The following SMARCD1 variants were observed in gnomAD, a reference collection of about 807,000 sequenced individuals.
SMARCD1 encodes SWI/SNF related BAF chromatin remodeling complex subunit D1, also known as SWI/SNF-related matrix-associated actin-dependent regulator of chromatin subfamily D member 1.
Under a neutral mutation model 70.8 loss-of-function variants are expected in SMARCD1, and 16 were observed. The ratio of observed to expected loss-of-function variants is 0.23; its 90% CI spans 0.15 to 0.34. SMARCD1 has a LOEUF of 0.34. SMARCD1 is among the 10% of genes least tolerant of loss of function. The probability of loss-of-function intolerance (pLI) is 1.00; values close to 1 mark genes in which losing one functional copy is unlikely to be tolerated. For missense variants in SMARCD1, 409 were observed against 655.5 expected, an observed-to-expected ratio of 0.62 and a Z score of 4.11; for synonymous variants, 249 against 246.0, an observed-to-expected ratio of 1.01 and a Z score of -0.11.
chr12:50,097,026 G>T, intron 11 of SMARCD1, 54 bp downstream of exon 11: 1 of 1,515,124 alleles, frequency 6.6e-7, no homozygotes, highest in Non-Finnish European at 8.9e-7. Context: ...GTGCACAGCT[G>T]CTTTATTCAT....
intron 5 of SMARCD1, chr12:50,088,114 G>T: frequency 1.6e-6 from 1 of 617,570 alleles, no homozygotes; most frequent in South Asian, 1.9e-5. Context: ...TCTCTATATA[G>T]GTCCGGTCCA....
intron 1 of SMARCD1, 23 bp from the exon 2 acceptor site, chr12:50,086,138 T>C: frequency 6.8e-7 from 1 of 1,469,458 alleles, no homozygotes; most frequent in South Asian, 1.5e-5. Context: ...CCATGACATC[T>C]CTGGGTCCTC....
chr12:50,088,798 A>T (rs1950815618), intron 6 of SMARCD1, 161 bp downstream of exon 6: 1 of 425,172 alleles, frequency 2.4e-6, no homozygotes. Context: ...TCTAGGTGGC[A>T]CTAGCATGTT....
rs772020844 is a variant in SMARCD1, at chr12:50,090,545, C to T, written c.1088C>T (p.Ala363Val). ...TCAGAGATCCCTCAGCGGCTCCATG[C>T]CTTGCTTATGCCACCAGAACCTATC... ...KFSEIPQRLH[A>V]LLMPPEPIII... Residue 363 changes from alanine to valine, a missense_variant, in exon 9 of 13, where the codon GCC (alanine) becomes GTC (valine). Physicochemically the swap from Ala to Val is moderately conservative, Grantham distance 64. This residue lies in a region of SMARCD1 where 269 missense variants were observed against 498.6 expected (regional missense o/e 0.54). Transcript: ENST00000394963. 2.5e-6 allele frequency: 4 copies of T among 1,613,956 alleles called. No individual in the cohort carries two copies. Among genetic ancestry groups the T allele is most frequent in the South Asian group, 2.2e-5 (2 of 91,088 alleles).
intron 4 of SMARCD1, 127 bp downstream of exon 4, chr12:50,087,005 G>C: frequency 1.0e-6 from 1 of 957,370 alleles, no homozygotes; most frequent in Non-Finnish European, 1.6e-6. Context: ...TCTCCCTTCC[G>C]CCTACAAACT....
intron 12 of SMARCD1, 31 bp from the exon 13 acceptor site, chr12:50,098,916 T>A (rs753613618): frequency 1.2e-6 from 2 of 1,612,856 alleles, no homozygotes; most frequent in Admixed American, 3.3e-5. Context: ...GTTTGTCTCA[T>A]CTTCCACTCC....
rs1268104437 is a variant in SMARCD1, at chr12:50,090,331, T to C, written c.964T>C (p.Tyr322His). ...RPVIIQALWQ[Y>H]IKTHKLQDPH... ...AGTGATCATCCAAGCACTGTGGCAA[T>C]ATATTAAGACACATAAGCTCCAGGA... The change falls in exon 8 of 13, where the codon TAT (tyrosine) becomes CAT (histidine). Residue 322 changes from tyrosine (Y) to histidine (H), a missense_variant. Transcript: ENST00000394963. The C allele has an allele frequency of 1.9e-6, 3 of 1,614,102 alleles. No individual in the cohort carries two copies. Among genetic ancestry groups the C allele is most frequent in the South Asian group, 1.1e-5 (1 of 91,074 alleles).
intron 5 of SMARCD1, 149 bp downstream of exon 5, chr12:50,087,634 A>T: frequency 2.1e-6 from 2 of 955,590 alleles, no homozygotes; most frequent in Non-Finnish European, 3.1e-6. Context: ...ACTGAAAGAC[A>T]GTGGTCCTTT....
rs1338626477 is a variant in SMARCD1, at chr12:50,087,052, A to G, written c.531+174A>G. 5.6e-6 allele frequency: 4 copies of G among 709,870 alleles called. No individual in the cohort carries two copies. The African/African-American group carries it at 7.2e-5, about 13-fold the overall frequency. 44.0% of individuals were successfully genotyped at this position (709,870 alleles called of 1,614,324 possible). ...TAGGAGGATAAGAACAGAATGGCAAAGGGGGAGGGGCTCTTGATGTCTCTT... is the reference window on the plus strand; with the variant it reads ...TAGGAGGATAAGAACAGAATGGCAAGGGGGGAGGGGCTCTTGATGTCTCTT... On this transcript the variant is annotated intron_variant, in intron 4 of 12. Coordinates refer to ENST00000394963, the MANE Select transcript of SMARCD1 (RefSeq NM_003076.5).
At chr12:50,087,952 G>A (rs1045137354) in intron 5 of SMARCD1, among the ~76,000 whole-genome samples, 1 of 152,068 alleles carries the variant, frequency 6.6e-6, no homozygotes, top group African/African-American at 2.4e-5. Flanking sequence ...ACAGGTGATA[G>A]TCCCCAAACT....
intron 9 of SMARCD1, 97 bp from the exon 10 acceptor site, chr12:50,094,340 G>A: frequency 1.6e-6 from 2 of 1,223,686 alleles, no homozygotes; most frequent in Non-Finnish European, 2.3e-6. Flanking sequence ...TTTACAGTTA[G>A]CCCCTTTTCT....
chr12:50,088,498 G>T, intron 5 of SMARCD1, 23 bp from the exon 6 acceptor site: 1 of 1,343,900 alleles, frequency 7.4e-7, no homozygotes, highest in South Asian at 1.3e-5. Context: ...TTCCTAATGT[G>T]ATTTTTATTT....
intron 9 of SMARCD1, 42 bp downstream of exon 9, chr12:50,090,632 T>C: frequency 6.8e-7 from 1 of 1,460,746 alleles, no homozygotes. Context: ...CGGAGCTGCC[T>C]TGTGCCGATT....
At chr12:50,098,536 T>C (rs1052936654) in intron 11 of SMARCD1, 178 bp from the exon 12 acceptor site, 9 of 604,106 alleles carry the variant, frequency 1.5e-5, no homozygotes, top group Admixed American at 1.4e-4. Context: ...GACCTCATCT[T>C]AACTTGAGCA....
chr12:50,090,819 T>G (rs1950835193), intron 9 of SMARCD1, among the ~76,000 whole-genome samples: 1 of 85,834 alleles, frequency 1.2e-5, no homozygotes, highest in African/African-American at 4.0e-5. Flanking sequence ...ATTGTATTTG[T>G]GCTTTTTTTT....
chr12:50,091,550 C>T (rs561681636), intron 9 of SMARCD1, among the ~76,000 whole-genome samples: 2 of 152,256 alleles, frequency 1.3e-5, no homozygotes, highest in Admixed American at 6.5e-5. Context: ...GCTGGGACTA[C>T]AGGCGTGAGC....
chr12:50,086,536 T>A, intron 2 of SMARCD1, 85 bp from the exon 3 acceptor site: 2 of 1,376,098 alleles, frequency 1.5e-6, no homozygotes, highest in Non-Finnish European at 2.1e-6. Context: ...TCCCTTCACA[T>A]TACTATAAAT....
intron 4 of SMARCD1, 54 bp from the exon 5 acceptor site, chr12:50,087,309 T>C (rs201817578): frequency 1.1e-5 from 18 of 1,598,448 alleles, no homozygotes; most frequent in Middle Eastern, 3.3e-4. Context: ...GACCGTTGTC[T>C]TCAACATCAG....
intron 10 of SMARCD1, 96 bp from the exon 11 acceptor site, chr12:50,096,754 G>C: frequency 1.7e-6 from 2 of 1,165,536 alleles, no homozygotes; most frequent in Non-Finnish European, 2.5e-6. Flanking sequence ...TGGTGACTAG[G>C]TTGGAAGTGG....
Sources: allele counts gnomAD v4.1 joint callset (sites outside exome capture counted in the v4.1 genomes callset), GRCh38; gene constraint gnomAD v4.1.1; regional missense constraint gnomAD v4.1.1; transcripts MANE v1.5; gene names NCBI Gene and HGNC (gene_info 2026-07-23, HGNC 2026-07-21).